The following ATE1 variants were observed in gnomAD, a reference collection of about 807,000 sequenced individuals.
The protein encoded by ATE1 is arginyltransferase 1.
ATE1 carries 36 observed loss-of-function variants against 70.5 expected under a neutral mutation model. The observed-to-expected ratio is 0.51, with a 90% CI of 0.39 to 0.67. The LOEUF is 0.67. Ranked by LOEUF, ATE1 falls within the 30% of genes least tolerant of loss-of-function variation. The pLI, the probability that ATE1 is intolerant of heterozygous loss-of-function variation, is 0.00. For missense variants in ATE1, 593 were observed against 629.5 expected, an observed-to-expected ratio of 0.94 and a Z score of 0.62; for synonymous variants, 232 against 219.3, an observed-to-expected ratio of 1.06 and a Z score of -0.51.
Position 121,765,286 on chromosome 10 carries a change from T to C in ATE1, c.1379-21428A>G, listed in dbSNP as rs111364803. On this transcript the variant is annotated intron_variant, in intron 11 of 11. Transcript: ENST00000224652. ...GGGTTCATCCACCCTTCAGTACAAA[T>C]GTATGGTCAAGGAGGCAGAAGAAAA... Among the ~76,000 whole-genome samples, 425 of 151,664 alleles carry C rather than the reference T, an allele frequency of 2.8e-3. 5 individuals are homozygous for C. Among genetic ancestry groups the C allele is most frequent in the African/African-American group, 8.1e-3 (336 of 41,360 alleles).
intron 11 of ATE1, among the ~76,000 whole-genome samples, chr10:121,765,781 T>G (rs1361974290): frequency 6.6e-6 from 1 of 152,342 alleles, no homozygotes; most frequent in East Asian, 1.9e-4. Context: ...TCACTTTATA[T>G]CTTAGTGCAA....
intron 6 of ATE1, among the ~76,000 whole-genome samples, chr10:121,901,267 CA>C (rs572620656): frequency 4.2e-4 from 60 of 141,916 alleles, no homozygotes; most frequent in Non-Finnish European, 6.3e-4. Context: ...AACTCCGTCT[CA>C]AAAAAAAAAG....
chr10:121,791,990 C>T (rs748308164), intron 10 of ATE1, among the ~76,000 whole-genome samples: 30 of 152,150 alleles, frequency 2.0e-4, no homozygotes, highest in Admixed American at 8.5e-4. Context: ...ATGAACACCA[C>T]GTCCTATTAG....
intron 11 of ATE1, among the ~76,000 whole-genome samples, chr10:121,786,475 C>A (rs543499724): frequency 6.6e-6 from 1 of 151,906 alleles, no homozygotes; most frequent in African/African-American, 2.4e-5. Flanking sequence ...TCAAGACAAG[C>A]CTACGCAACG....
intron 7 of ATE1, among the ~76,000 whole-genome samples, chr10:121,893,983 C>T (rs904157576): frequency 1.3e-5 from 2 of 151,796 alleles, no homozygotes; most frequent in African/African-American, 4.8e-5. Context: ...ACTAAAAATA[C>T]AAAATTAGCC....
At chr10:121,905,860 A>AC (rs373432724) in intron 5 of ATE1, among the ~76,000 whole-genome samples, 6,949 of 150,684 alleles carry the variant, frequency 0.046, 234 homozygotes, top group Non-Finnish European at 0.068. Flanking sequence ...AGAGAGAAAA[A>AC]AAAGTAGGAT....
At chr10:121,909,056 T>G (rs759020563) in intron 5 of ATE1, among the ~76,000 whole-genome samples, 2 of 152,174 alleles carry the variant, frequency 1.3e-5, no homozygotes, top group Non-Finnish European at 2.9e-5. Flanking sequence ...AGGCACGATC[T>G]CAGCTCACTG....
intron 11 of ATE1, among the ~76,000 whole-genome samples, chr10:121,778,822 T>TG (rs1190613675): frequency 4.4e-4 from 67 of 152,072 alleles, no homozygotes; most frequent in Non-Finnish European, 1.5e-5. Context: ...AGGCTGGTCT[T>TG]GAACTCCTGA....
At position 121,911,045 on chromosome 10, in the gene ATE1, T is replaced by C. The variant is rs1951402785; in HGVS notation, c.444A>G (p.Lys148=). ...TTTTTCCTTCACTCTCTAAACTCTC[T>C]TTGATGTCATCACTGAGTGTTTTAA... ...CDLKTLSDDI[K]ESLESEGKNS... Residue 148 remains lysine (K), a synonymous_variant, in exon 5 of 12, where the codon AAA becomes AAG. Coordinates refer to ENST00000224652, the MANE Select transcript of ATE1 (RefSeq NM_001001976.3). The C allele has an allele frequency of 6.2e-7, 1 of 1,613,604 alleles. No homozygotes were observed. The highest frequency in any genetic ancestry group is 1.3e-5 in the African/African-American group (1 of 74,868).
chr10:121,873,691 TAAA>T (rs761239187), intron 7 of ATE1, among the ~76,000 whole-genome samples: 3 of 139,116 alleles, frequency 2.2e-5, no homozygotes, highest in Non-Finnish European at 1.6e-5. Context: ...TTTGGTAAGT[TAAA>T]AAAAAAAAAA....
Position 121,743,658 on chromosome 10 carries a change from C to G in ATE1, c.*22G>C, listed in dbSNP as rs753476989. ...ACAAATCATCAGCACAACACAGGAA[C>G]TTCCCGGCAGAGGTGAACAGGTCAG... On this transcript the variant is annotated 3_prime_UTR_variant, in exon 12 of 12. Transcript: ENST00000224652. The G allele has an allele frequency of 2.3e-5, 36 of 1,580,032 alleles. 1 individual carries two copies. In the South Asian group the frequency reaches 4.1e-4, roughly 18 times the overall value.
At chr10:121,810,205 T>G (rs1404159732) in intron 10 of ATE1, among the ~76,000 whole-genome samples, 3 of 152,238 alleles carry the variant, frequency 2.0e-5, no homozygotes, top group African/African-American at 7.2e-5. Flanking sequence ...TTTTCTGTCA[T>G]GTGATATAAA....
intron 11 of ATE1, among the ~76,000 whole-genome samples, chr10:121,766,410 C>T (rs1347003238): frequency 6.6e-6 from 1 of 152,098 alleles, no homozygotes; most frequent in Non-Finnish European, 1.5e-5. Flanking sequence ...CAACTGGAAA[C>T]TCAGGACATT....
chr10:121,838,314 A>AACTCCACCTGCCTCCTTCTCACCAGCTC (rs1227364325), intron 9 of ATE1, among the ~76,000 whole-genome samples: 1 of 151,304 alleles, frequency 6.6e-6, no homozygotes, highest in Non-Finnish European at 1.5e-5. Flanking sequence ...CCTTCTCACC[A>AACTCCACCTGCCTCCTTCTCACCAGCTC]ACTCCACCTG....
intron 1 of ATE1, chr10:121,927,029 C>A (rs2134672914): frequency 1.0e-6 from 1 of 985,380 alleles, no homozygotes; most frequent in Non-Finnish European, 1.2e-6. Context: ...TGTTTTCATG[C>A]GAATCTCGTT....
chr10:121,803,026 T>C (rs751519883), intron 10 of ATE1, among the ~76,000 whole-genome samples: 2 of 152,202 alleles, frequency 1.3e-5, no homozygotes, highest in Admixed American at 6.5e-5. Context: ...TTAGGAGATA[T>C]CTAGATTTCC....
chr10:121,904,085 CA>C (rs1951091496), intron 5 of ATE1, among the ~76,000 whole-genome samples: 1 of 151,348 alleles, frequency 6.6e-6, no homozygotes, highest in Non-Finnish European at 1.5e-5. Flanking sequence ...ACCATTCGAG[CA>C]ATTCTCCTGC....
rs374119928 is a variant in ATE1 at position 121,818,922 on chromosome 10, A to T, written c.1257+17796T>A. Among the ~76,000 whole-genome samples, 26 of 152,352 alleles carry T rather than the reference A, an allele frequency of 1.7e-4. No homozygotes were observed. The South Asian group carries it at 2.3e-3, about 13-fold the overall frequency. On this transcript the variant is annotated intron_variant, in intron 10 of 11. Transcript: ENST00000224652. ...ATAAGTTGGAGGTAAGTGGAATTGT[A>T]TTTTAAAGTGATACTGATACCATTT...
rs973515658 is a variant in ATE1, at chr10:121,753,515, C to T, written c.1379-9657G>A. 3.9e-5 allele frequency among the ~76,000 whole-genome samples: 6 copies of T among 152,132 alleles called. No individual in the cohort carries two copies. The East Asian group carries it at 1.2e-3, about 29-fold the overall frequency. On this transcript the variant is annotated intron_variant, in intron 11 of 11. Transcript: ENST00000224652. Reference sequence around the variant, plus strand: ...ATTATGGTCATTTGGTATCAAAGTCCAGTAAAAGGTCACCAGAGAAAAGCA... The same window carrying T: ...ATTATGGTCATTTGGTATCAAAGTCTAGTAAAAGGTCACCAGAGAAAAGCA...
Sources: allele counts gnomAD v4.1 joint callset (sites outside exome capture counted in the v4.1 genomes callset), GRCh38; gene constraint gnomAD v4.1.1; transcripts MANE v1.5; gene names NCBI Gene and HGNC (gene_info 2026-07-23, HGNC 2026-07-21).